The following MICU3 variants were observed in gnomAD, a reference collection of about 807,000 sequenced individuals.
The protein encoded by MICU3 is mitochondrial calcium uptake 3.
MICU3 carries 62 observed loss-of-function variants against 66.5 expected under a neutral mutation model. The observed-to-expected ratio is 0.93, with a 90% CI of 0.76 to 1.15. The LOEUF is 1.15. MICU3 is among the 50% of genes most tolerant of loss of function. The pLI is 0.00. For missense variants in MICU3, 779 were observed against 664.4 expected (o/e 1.17, Z -1.90); for synonymous variants, 308 against 240.7 (o/e 1.28, Z -2.59).
intron 9 of MICU3, among the ~76,000 whole-genome samples, chr8:17,100,813 A>G (rs570194656): frequency 2.1e-4 from 32 of 151,888 alleles, no homozygotes; most frequent in Non-Finnish European, 4.4e-4. Context: ...CCAAAATCAT[A>G]TATAATAAAT....
intron 1 of MICU3, among the ~76,000 whole-genome samples, chr8:17,044,550 A>G (rs1814739962): frequency 6.6e-6 from 1 of 152,170 alleles, no homozygotes; most frequent in Admixed American, 6.5e-5. Context: ...AATTGGTGAA[A>G]ACATTGTGGT....
chr8:17,047,541 A>T (rs1815295998), intron 1 of MICU3, among the ~76,000 whole-genome samples: 1 of 152,204 alleles, frequency 6.6e-6, no homozygotes, highest in African/African-American at 2.4e-5. Flanking sequence ...ATATTTAGTC[A>T]CATTGAAGTG....
chr8:17,133,934 T>C, the MICU3 span, among the ~76,000 whole-genome samples: 7 of 152,258 alleles, frequency 4.6e-5, no homozygotes, highest in Admixed American at 4.6e-4. Flanking sequence ...CTTTATAATA[T>C]GTTAGACTAT....
chr8:17,043,182 G>T (rs956301075), intron 1 of MICU3, among the ~76,000 whole-genome samples: 1 of 151,624 alleles, frequency 6.6e-6, no homozygotes. Context: ...CTCGTGATCC[G>T]CCCGCCTCGG....
chr8:17,042,918 G>A (rs1042944227), intron 1 of MICU3, among the ~76,000 whole-genome samples: 1 of 142,794 alleles, frequency 7.0e-6, no homozygotes, highest in South Asian at 2.3e-4. Flanking sequence ...ACTGCTTGTA[G>A]CAATTCAAAG....
At chr8:17,116,181 C>G (rs1201313153) in intron 12 of MICU3, among the ~76,000 whole-genome samples, 1 of 152,192 alleles carries the variant, frequency 6.6e-6, no homozygotes, top group African/African-American at 2.4e-5. Context: ...TCTAAAGTAT[C>G]TGTCACTGAT....
At chr8:17,030,142 A>T (rs1208399420) in intron 1 of MICU3, among the ~76,000 whole-genome samples, 1 of 152,176 alleles carries the variant, frequency 6.6e-6, no homozygotes, top group Non-Finnish European at 1.5e-5. Context: ...TGCTGTAAGG[A>T]TATAAATTAT....
intron 12 of MICU3, among the ~76,000 whole-genome samples, chr8:17,114,929 C>T (rs1802542498): frequency 6.6e-6 from 1 of 151,924 alleles, no homozygotes; most frequent in South Asian, 2.1e-4. Flanking sequence ...ACCATCCCGG[C>T]TAAAACGGTG....
chr8:17,119,735 C>T (rs2150844512), intron 14 of MICU3, among the ~76,000 whole-genome samples: 1 of 152,018 alleles, frequency 6.6e-6, no homozygotes, highest in South Asian at 2.1e-4. Flanking sequence ...TTTGTCTTGC[C>T]AAAAGGAAAT....
At position 17,104,493 on chromosome 8, in the gene MICU3, T is replaced by C. The variant is rs776414512; in HGVS notation, c.1085+2T>C. The C allele has an allele frequency of 4.3e-6, 6 of 1,381,988 alleles. No individual in the cohort carries two copies. The highest frequency in any genetic ancestry group is 5.8e-6 in the Non-Finnish European group (6 of 1,030,696). 85.6% of individuals were successfully genotyped at this position (1,381,988 alleles called of 1,614,324 possible). On this transcript the variant is annotated splice_donor_variant, in intron 10 of 14. Transcript: ENST00000318063. LOFTEE classifies it high-confidence loss of function. ...GCTCAACTTTGAAGATTTTTATAGG[T>C]GAGCTTATTTTTATATTTTTATTAA...
At chr8:17,046,090 C>T (rs1055221988) in intron 1 of MICU3, among the ~76,000 whole-genome samples, 3 of 152,218 alleles carry the variant, frequency 2.0e-5, no homozygotes, top group Non-Finnish European at 2.9e-5. Flanking sequence ...GTTCTATGAG[C>T]TGCTGTAGCA....
chr8:17,038,070 C>T (rs1813358267), intron 1 of MICU3, among the ~76,000 whole-genome samples: 1 of 152,082 alleles, frequency 6.6e-6, no homozygotes, highest in Non-Finnish European at 1.5e-5. Flanking sequence ...CTTGCCTTGT[C>T]TCAGATTAGA....
At chr8:17,058,517 G>A (rs35819278) in intron 1 of MICU3, among the ~76,000 whole-genome samples, 39 of 152,130 alleles carry the variant, frequency 2.6e-4, no homozygotes, top group Admixed American at 1.2e-3. Flanking sequence ...GTCATGTTCC[G>A]CCTTTATTAT....
intron 1 of MICU3, chr8:17,049,669 G>A: frequency 1.9e-6 from 1 of 515,144 alleles, no homozygotes; most frequent in Non-Finnish European, 3.9e-6. Context: ...ATAACAAGTT[G>A]TGTAATGTGA....
chr8:17,095,120 A>C (rs1014839519), intron 8 of MICU3, among the ~76,000 whole-genome samples: 6 of 151,902 alleles, frequency 3.9e-5, no homozygotes, highest in African/African-American at 1.2e-4. Context: ...ATATTTTTCA[A>C]AGTTGTCAAA....
rs940281177 is a variant in MICU3 at position 17,091,168 on chromosome 8, G to A, written c.888+584G>A. Among the ~76,000 whole-genome samples the A allele has an allele frequency of 2.6e-5, 4 of 151,864 alleles. No homozygotes were observed. In the South Asian group the frequency reaches 8.3e-4, roughly 32 times the overall value. ...GGATAATGACTTTCAGACTTTTCTT[G>A]TCTTAAAAAAATTGAGAATTTCTGT... On this transcript the variant is annotated intron_variant, in intron 8 of 14. Coordinates refer to ENST00000318063, the MANE Select transcript of MICU3 (RefSeq NM_181723.3).
intron 9 of MICU3, among the ~76,000 whole-genome samples, chr8:17,098,977 T>C (rs1801017634): frequency 6.6e-6 from 1 of 151,606 alleles, no homozygotes. Context: ...TTTGAGAAGG[T>C]ATGGTAGGAA....
chr8:17,092,388 C>G (rs777916389), intron 8 of MICU3, among the ~76,000 whole-genome samples: 3 of 151,846 alleles, frequency 2.0e-5, no homozygotes, highest in Non-Finnish European at 4.4e-5. Flanking sequence ...ATTGCAGTCA[C>G]TGAGACATTA....
chr8:17,049,906 A>G (rs1049395302), intron 1 of MICU3, among the ~76,000 whole-genome samples: 2 of 151,742 alleles, frequency 1.3e-5, no homozygotes, highest in African/African-American at 4.8e-5. Flanking sequence ...TTTTTTACTC[A>G]TTTTTCTACA....
Sources: gnomAD v4.1 joint callset for allele counts (sites outside exome capture counted in the v4.1 genomes callset) on GRCh38, gnomAD v4.1.1 for gene constraint, MANE v1.5 for transcripts, NCBI Gene and HGNC (gene_info 2026-07-23, HGNC 2026-07-21) for gene names.